FMN2: variants seen among roughly 807,000 people sequenced by gnomAD.
The protein encoded by FMN2 is formin 2, also known as formin-2.
In FMN2, 51 loss-of-function variants were observed where a neutral mutation model predicts 142.3. That is an observed-to-expected ratio of 0.36 (90% CI 0.29 to 0.45). FMN2 has a LOEUF of 0.45. Ranked by LOEUF, FMN2 falls within the 20% of genes least tolerant of loss-of-function variation. The pLI is 1.00. For synonymous variants in FMN2, 882 were observed against 869.8 expected, an observed-to-expected ratio of 1.01 and a Z score of -0.25; for missense variants, 1,936 against 2,122.8, an observed-to-expected ratio of 0.91 and a Z score of 1.73.
intron 14 of FMN2, among the ~76,000 whole-genome samples, chr1:240,377,697 A>T (rs543225696): frequency 1.3e-5 from 2 of 152,224 alleles, no homozygotes; most frequent in African/African-American, 4.8e-5. Context: ...ACTTACAAGG[A>T]CCCAGTGATT....
rs528780818 is a variant in FMN2 at position 240,302,637 on chromosome 1, A to G, written c.4215+7754A>G. On this transcript the variant is annotated intron_variant, in intron 8 of 17. Transcript: ENST00000319653. Reference sequence around the variant, plus strand: ...ATTAATATAATTTGGTATAATCTCAATGGGAAGCAATTTGCAATATCTAAT... The same window carrying G: ...ATTAATATAATTTGGTATAATCTCAGTGGGAAGCAATTTGCAATATCTAAT... Among the ~76,000 whole-genome samples the G allele has an allele frequency of 4.6e-5, 7 of 152,186 alleles. No homozygotes were observed. In the East Asian group the frequency reaches 5.8e-4, roughly 13 times the overall value.
At chr1:240,355,946 T>A in intron 14 of FMN2, 38 bp downstream of exon 14, 1 of 320,936 alleles carries the variant, frequency 3.1e-6, no homozygotes, top group Non-Finnish European at 5.5e-6. Flanking sequence ...TTTCTCCCCT[T>A]TCAGCAAAAA....
chr1:240,251,216 A>G (rs931712849), intron 6 of FMN2, among the ~76,000 whole-genome samples: 2 of 151,790 alleles, frequency 1.3e-5, no homozygotes, highest in Non-Finnish European at 2.9e-5. Flanking sequence ...TTATTATTTT[A>G]AGCTTTCCTT....
chr1:240,098,676 C>A (rs1363400299), intron 1 of FMN2, among the ~76,000 whole-genome samples: 1 of 152,136 alleles, frequency 6.6e-6, no homozygotes, highest in Non-Finnish European at 1.5e-5. Context: ...GCGATGTAAG[C>A]GGGGACCAGA....
chr1:240,236,181 C>T (rs1328269559), intron 6 of FMN2, among the ~76,000 whole-genome samples: 2 of 152,126 alleles, frequency 1.3e-5, no homozygotes, highest in African/African-American at 4.8e-5. Flanking sequence ...ATGACTTCAG[C>T]TCTTTGCACT....
rs9660491 is a variant in FMN2, at chr1:240,432,180, G to A, written c.4911-5881G>A. ...TCTATTTATGGAAAATAATTGAATT[G>A]TCTTAGATTTAGGGGTACTTATATT... On this transcript the variant is annotated intron_variant, in intron 15 of 17. Transcript: ENST00000319653. Among the ~76,000 whole-genome samples the A allele has an allele frequency of 3.8e-3, 577 of 151,974 alleles. 3 individuals carry two copies. The highest frequency in any genetic ancestry group is 0.013 in the African/African-American group (557 of 41,538).
chr1:240,324,620 C>T (rs1357754933), intron 8 of FMN2, among the ~76,000 whole-genome samples: 3 of 147,304 alleles, frequency 2.0e-5, no homozygotes, highest in African/African-American at 5.0e-5. Context: ...GAGATCATAT[C>T]ACTGCACTAC....
chr1:240,328,147 C>CAAAAAAAAAAAAAAAAAAAAAAAAAA (rs780595882), intron 8 of FMN2, among the ~76,000 whole-genome samples: 31 of 51,422 alleles, frequency 6.0e-4, no homozygotes, highest in Admixed American at 1.3e-3. Context: ...GACCCCATCT[C>CAAAAAAAAAAAAAAAAAAAAAAAAAA]AAAAAAAAAA....
chr1:240,127,487 G>A (rs1662562795), intron 2 of FMN2, among the ~76,000 whole-genome samples: 1 of 151,850 alleles, frequency 6.6e-6, no homozygotes. Context: ...TGTGGTGGTG[G>A]TTGTTTTTGA....
chr1:240,174,013 C>G lies in FMN2; in HGVS notation c.1783-3908C>G, dbSNP rs1289179353. 3.9e-5 allele frequency among the ~76,000 whole-genome samples: 6 copies of G among 152,268 alleles called. No individual in the cohort carries two copies. The East Asian group carries it at 9.7e-4, about 25-fold the overall frequency. ...AGGCAAAAGTCTTTTTGTGGTTGAT[C>G]ATGATGCCAGGTCTGGAGCCTCTCA... On this transcript the variant is annotated intron_variant, in intron 2 of 17. Transcript: ENST00000319653.
chr1:240,442,669 A>C (rs1675664285), intron 16 of FMN2, among the ~76,000 whole-genome samples: 1 of 152,168 alleles, frequency 6.6e-6, no homozygotes, highest in Non-Finnish European at 1.5e-5. Flanking sequence ...ATCCTGTATT[A>C]ATCTTTCTTA....
intron 16 of FMN2, among the ~76,000 whole-genome samples, chr1:240,460,783 GT>G (rs1419300471): frequency 6.6e-6 from 1 of 151,924 alleles, no homozygotes; most frequent in African/African-American, 2.4e-5. Context: ...TATTGTTTTT[GT>G]TTGTTTAATT....
At chr1:240,231,578 A>C (rs1667525620) in intron 6 of FMN2, among the ~76,000 whole-genome samples, 1 of 152,190 alleles carries the variant, frequency 6.6e-6, no homozygotes, top group African/African-American at 2.4e-5. Flanking sequence ...AAGGCATAGA[A>C]ATTTGAGGGC....
At chr1:240,296,431 T>C (rs1437404838) in intron 8 of FMN2, among the ~76,000 whole-genome samples, 1 of 144,908 alleles carries the variant, frequency 6.9e-6, no homozygotes, top group African/African-American at 2.6e-5. Context: ...TCTAATATCT[T>C]TGAGTGCTTT....
At chr1:240,200,521 A>G (rs1666084936) in intron 4 of FMN2, among the ~76,000 whole-genome samples, 1 of 152,170 alleles carries the variant, frequency 6.6e-6, no homozygotes, top group Non-Finnish European at 1.5e-5. Flanking sequence ...TCTCAGCTAA[A>G]TTCAGAGCCC....
chr1:240,420,366 A>T (rs534175743), intron 15 of FMN2, among the ~76,000 whole-genome samples: 4 of 152,308 alleles, frequency 2.6e-5, no homozygotes, highest in African/African-American at 9.6e-5. Flanking sequence ...GCTATCACTC[A>T]GAAGAGACCT....
At chr1:240,357,103 G>T (rs1456687583) in intron 14 of FMN2, among the ~76,000 whole-genome samples, 1 of 152,074 alleles carries the variant, frequency 6.6e-6, no homozygotes, top group African/African-American at 2.4e-5. Context: ...TCCATCTAGT[G>T]GGGTTGTGGA....
intron 14 of FMN2, among the ~76,000 whole-genome samples, chr1:240,362,772 T>C (rs149742536): frequency 6.6e-6 from 1 of 152,286 alleles, no homozygotes; most frequent in East Asian, 1.9e-4. Flanking sequence ...TTTGGATGAA[T>C]GGCAATTTCT....
rs1332896751 is a variant in FMN2, at chr1:240,449,677, G to C, written c.5060+11467G>C. On this transcript the variant is annotated intron_variant, in intron 16 of 17. Coordinates refer to ENST00000319653, the MANE Select transcript of FMN2 (RefSeq NM_020066.5). ...CATGTAGCTTGGAGTTCTTCGGTTT[G>C]TGTGAAAAGCTATTGTATACAATTT... 2.6e-5 allele frequency among the ~76,000 whole-genome samples: 4 copies of C among 152,174 alleles called. No individual in the cohort carries two copies. The South Asian group carries it at 8.3e-4, about 31-fold the overall frequency.
Sources: gnomAD v4.1 joint callset for allele counts (sites outside exome capture counted in the v4.1 genomes callset) on GRCh38, gnomAD v4.1.1 for gene constraint, MANE v1.5 for transcripts, NCBI Gene and HGNC (gene_info 2026-07-23, HGNC 2026-07-21) for gene names.